The following NTM variants were observed in gnomAD, a reference collection of about 807,000 sequenced individuals.
NTM encodes the protein neurotrimin, also known as IgLON family member 2.
In NTM, 13 loss-of-function variants were observed where a neutral mutation model predicts 42.1. The ratio of observed to expected loss-of-function variants is 0.31; its 90% CI spans 0.20 to 0.49. The LOEUF is 0.49. Among genes scored for constraint, NTM ranks in the 20% least tolerant of loss-of-function variants. The pLI, the probability that NTM is intolerant of heterozygous loss-of-function variation, is 0.99. For synonymous variants in NTM, 187 were observed against 179.2 expected, an observed-to-expected ratio of 1.04 and a Z score of -0.35; for missense variants, 373 against 452.8, an observed-to-expected ratio of 0.82 and a Z score of 1.60.
chr11:131,761,656 A>T, intron 1 of NTM, among the ~76,000 whole-genome samples: 1 of 151,900 alleles, frequency 6.6e-6, no homozygotes, highest in Admixed American at 6.6e-5. Flanking sequence ...AAAACACAAA[A>T]AAATTAGCCA....
intron 2 of NTM, among the ~76,000 whole-genome samples, chr11:132,019,533 A>T (rs939699896): frequency 1.3e-5 from 2 of 151,934 alleles, no homozygotes; most frequent in Non-Finnish European, 2.9e-5. Flanking sequence ...CATCCTCCTG[A>T]TATATGAACT....
intron 1 of NTM, chr11:131,773,831 C>G (rs984606116): frequency 1.6e-5 from 3 of 182,500 alleles, no homozygotes; most frequent in African/African-American, 7.2e-5. Flanking sequence ...CCTGCACTTT[C>G]ACTTAGGGTG....
intron 2 of NTM, among the ~76,000 whole-genome samples, chr11:132,041,993 AC>A (rs1311852935): frequency 6.6e-6 from 1 of 152,108 alleles, no homozygotes; most frequent in African/African-American, 2.4e-5. Flanking sequence ...TAGATTTCCA[AC>A]CTGAGGATTG....
intron 1 of NTM, among the ~76,000 whole-genome samples, chr11:131,685,123 T>A (rs935354617): frequency 3.3e-5 from 5 of 152,206 alleles, no homozygotes; most frequent in African/African-American, 1.2e-4. Flanking sequence ...TGTGTAATTG[T>A]TACAAAGCCC....
intron 4 of NTM, among the ~76,000 whole-genome samples, chr11:132,223,182 C>G (rs1028211921): frequency 4.6e-5 from 7 of 152,208 alleles, no homozygotes; most frequent in Non-Finnish European, 1.0e-4. Flanking sequence ...TGTGGGGCAA[C>G]TCTCTGAGGT....
rs949630146 is a variant in NTM at position 131,466,321 on chromosome 11, C to T, written c.82+95433C>T. 5.9e-5 allele frequency among the ~76,000 whole-genome samples: 9 copies of T among 152,294 alleles called. No homozygotes were observed. In the South Asian group the frequency reaches 1.7e-3, roughly 28 times the overall value. On this transcript the variant is annotated intron_variant, in intron 1 of 8. Coordinates refer to ENST00000683400, the MANE Select transcript of NTM (RefSeq NM_001352005.2). ...TGACTTCTTCTTAAGGGTCAGGCCTCGTGCAAAGTGCATTTTATTTAATCC... is the reference window on the plus strand; with the variant it reads ...TGACTTCTTCTTAAGGGTCAGGCCTTGTGCAAAGTGCATTTTATTTAATCC...
intron 3 of NTM, among the ~76,000 whole-genome samples, chr11:132,210,804 A>G (rs530250410): frequency 1.2e-4 from 18 of 152,322 alleles, no homozygotes; most frequent in African/African-American, 2.6e-4. Context: ...GCTTCTGAAA[A>G]TAAGCACATG....
intron 1 of NTM, among the ~76,000 whole-genome samples, chr11:131,751,485 G>C (rs907787205): frequency 2.6e-5 from 4 of 151,974 alleles, no homozygotes; most frequent in Non-Finnish European, 5.9e-5. Context: ...AGCTACTCGG[G>C]AGGCTGAGGC....
chr11:131,628,370 G>A (rs971146426), intron 1 of NTM, among the ~76,000 whole-genome samples: 6 of 152,160 alleles, frequency 3.9e-5, no homozygotes, highest in Non-Finnish European at 5.9e-5. Context: ...AATAGGCCCG[G>A]CCCAGTATTT....
chr11:131,754,518 G>A (rs993635705), intron 1 of NTM, among the ~76,000 whole-genome samples: 1 of 151,982 alleles, frequency 6.6e-6, no homozygotes, highest in African/African-American at 2.4e-5. Flanking sequence ...CCAGCTACTT[G>A]GGAGGCTGAG....
intron 1 of NTM, among the ~76,000 whole-genome samples, chr11:131,888,669 C>T (rs2050772351): frequency 1.3e-5 from 2 of 152,200 alleles, no homozygotes; most frequent in Non-Finnish European, 2.9e-5. Context: ...AACAGTCTTG[C>T]TCCAAATCCT....
intron 1 of NTM, among the ~76,000 whole-genome samples, chr11:131,669,143 C>T (rs1490827135): frequency 6.6e-6 from 1 of 152,094 alleles, no homozygotes; most frequent in Non-Finnish European, 1.5e-5. Context: ...CATCCAGATC[C>T]AGATGAGGTG....
intron 1 of NTM, among the ~76,000 whole-genome samples, chr11:131,602,284 A>G (rs1876224): frequency 6.6e-6 from 1 of 151,812 alleles, no homozygotes; most frequent in Non-Finnish European, 1.5e-5. Flanking sequence ...TCTTGATTCA[A>G]CTATTCTCCT....
chr11:132,021,770 A>G (rs2074372316), intron 2 of NTM, among the ~76,000 whole-genome samples: 1 of 152,208 alleles, frequency 6.6e-6, no homozygotes, highest in South Asian at 2.1e-4. Flanking sequence ...TGAGCCAGTT[A>G]GTCCCCTTCT....
At chr11:131,633,543 A>G (rs1479781479) in intron 1 of NTM, among the ~76,000 whole-genome samples, 5 of 107,256 alleles carry the variant, frequency 4.7e-5, no homozygotes, top group African/African-American at 1.1e-4. Flanking sequence ...CTCTCTCTCT[A>G]TCTCTATCTC....
chr11:131,564,707 C>A (rs1349032764), intron 1 of NTM, among the ~76,000 whole-genome samples: 1 of 152,130 alleles, frequency 6.6e-6, no homozygotes, highest in Non-Finnish European at 1.5e-5. Context: ...ATTTTAATTT[C>A]TTATGGCAAG....
At chr11:132,266,823 A>C (rs2093210314) in intron 4 of NTM, among the ~76,000 whole-genome samples, 1 of 152,006 alleles carries the variant, frequency 6.6e-6, no homozygotes, top group African/African-American at 2.4e-5. Context: ...TAATTGTTTT[A>C]GAACAAGCAC....
intron 1 of NTM, among the ~76,000 whole-genome samples, chr11:131,784,592 C>T (rs1016625441): frequency 3.9e-5 from 6 of 152,022 alleles, no homozygotes; most frequent in Admixed American, 6.6e-5. Flanking sequence ...TCCTGGGGTC[C>T]GGGCTTGGGG....
At chr11:131,617,091 C>T (rs886917314) in intron 1 of NTM, among the ~76,000 whole-genome samples, 7 of 151,996 alleles carry the variant, frequency 4.6e-5, no homozygotes, top group Non-Finnish European at 8.8e-5. Context: ...TGGGGCTGGA[C>T]GCTGCGAGGC....
Sources: gnomAD v4.1 joint callset for allele counts (sites outside exome capture counted in the v4.1 genomes callset) on GRCh38, gnomAD v4.1.1 for gene constraint, MANE v1.5 for transcripts, NCBI Gene and HGNC (gene_info 2026-07-23, HGNC 2026-07-21) for gene names.